The following CNBD1 variants were observed in gnomAD, a reference collection of about 807,000 sequenced individuals.
CNBD1 encodes cyclic nucleotide binding domain containing 1, also known as cyclic nucleotide-binding domain-containing protein 1.
CNBD1 carries 71 observed loss-of-function variants against 54.4 expected under a neutral mutation model. The ratio of observed to expected loss-of-function variants is 1.30; its 90% CI spans 1.08 to 1.59. The LOEUF (loss-of-function observed/expected upper bound fraction) is 1.59, where lower values mean the gene tolerates loss of function less well. Ranked by LOEUF, CNBD1 falls within the 40% of genes most tolerant of loss-of-function variation. The pLI is 0.00. For missense variants in CNBD1, 659 were observed against 518.0 expected, an observed-to-expected ratio of 1.27 and a Z score of -2.64; for synonymous variants, 182 against 170.7, an observed-to-expected ratio of 1.07 and a Z score of -0.51.
rs113843299 is a variant in CNBD1 at position 86,921,471 on chromosome 8, A to G, written c.272+16277A>G. Among the ~76,000 whole-genome samples the G allele has an allele frequency of 9.9e-3, 1,510 of 152,322 alleles. 7 individuals carry two copies. Among genetic ancestry groups the G allele is most frequent in the Admixed American group, 0.015 (223 of 15,292 alleles). Reference sequence around the variant, plus strand: ...ATTAGTCTGTTCTCACACTGCTAATAAAGACACAACTGAGACTTGGTAATT... The same window carrying G: ...ATTAGTCTGTTCTCACACTGCTAATGAAGACACAACTGAGACTTGGTAATT... On this transcript the variant is annotated intron_variant, in intron 3 of 10. Transcript: ENST00000518476.
intron 2 of CNBD1, among the ~76,000 whole-genome samples, chr8:87,421,844 C>A (rs1408043336): frequency 7.1e-6 from 1 of 141,478 alleles, no homozygotes; most frequent in Admixed American, 7.0e-5. Flanking sequence ...CCTGAGGAAT[C>A]GCCACACTGA....
chr8:86,990,257 T>C (rs77462195), intron 4 of CNBD1, among the ~76,000 whole-genome samples: 2,922 of 152,302 alleles, frequency 0.019, 95 homozygotes, highest in African/African-American at 0.06. Context: ...GGAATATTAC[T>C]TGAGATCTTT....
At chr8:87,236,836 G>A (rs190563948) in intron 5 of CNBD1, 83 bp from the exon 6 acceptor site, 54 of 710,612 alleles carry the variant, frequency 7.6e-5, no homozygotes, top group East Asian at 5.4e-4. Flanking sequence ...TGAAAGTACC[G>A]TAAGTGTAAT....
chr8:87,255,989 ATATATATATATATATATATATATATATTT>A (rs1563525946), intron 6 of CNBD1, among the ~76,000 whole-genome samples: 1 of 10,886 alleles, frequency 9.2e-5, no homozygotes, highest in Non-Finnish European at 1.6e-4. Flanking sequence ...ATATATATAT[ATATATATATATATATATATATATATATTT>A]TTTTTTTTTT....
intron 6 of CNBD1, among the ~76,000 whole-genome samples, chr8:87,245,391 C>T (rs1489400827): frequency 6.6e-6 from 1 of 151,922 alleles, no homozygotes; most frequent in Non-Finnish European, 1.5e-5. Context: ...AATAAGAGGA[C>T]TTCACATATA....
At chr8:87,024,633 C>A (rs1251853590) in intron 4 of CNBD1, among the ~76,000 whole-genome samples, 1 of 152,176 alleles carries the variant, frequency 6.6e-6, no homozygotes, top group Non-Finnish European at 1.5e-5. Flanking sequence ...TGAGCCACCA[C>A]ACCCAGCCAG....
intron 4 of CNBD1, among the ~76,000 whole-genome samples, chr8:86,974,428 G>A (rs920619987): frequency 2.6e-5 from 4 of 152,014 alleles, no homozygotes; most frequent in African/African-American, 9.7e-5. Context: ...AGTTGCATAT[G>A]TGTGCTATAC....
chr8:87,269,013 A>G (rs1808314440), intron 6 of CNBD1, among the ~76,000 whole-genome samples: 1 of 152,062 alleles, frequency 6.6e-6, no homozygotes. Flanking sequence ...GATATCCAGA[A>G]TGATATTTTC....
chr8:87,224,276 G>A (rs1445874486), intron 5 of CNBD1, among the ~76,000 whole-genome samples: 1 of 149,808 alleles, frequency 6.7e-6, no homozygotes, highest in Non-Finnish European at 1.5e-5. Flanking sequence ...TTTGTCTTTT[G>A]TTGCCATTGC....
At position 87,379,508 on chromosome 8, in the gene CNBD1, G is replaced by C. The variant is rs993327702; in HGVS notation, c.1304-3112G>C. Among the ~76,000 whole-genome samples the C allele has an allele frequency of 3.3e-5, 5 of 151,806 alleles. No homozygotes were observed. The South Asian group carries it at 1.0e-3, about 32-fold the overall frequency. On this transcript the variant is annotated intron_variant, in intron 10 of 10. Coordinates refer to ENST00000518476, the MANE Select transcript of CNBD1 (RefSeq NM_173538.3). ...AAAGCTCTCCCCAGCAAATGTAAAA[G>C]AACAGAATTTATAACAAACTATCTC...
chr8:87,225,730 G>T (rs1425881188), intron 5 of CNBD1, among the ~76,000 whole-genome samples: 2 of 151,662 alleles, frequency 1.3e-5, no homozygotes, highest in Non-Finnish European at 2.9e-5. Flanking sequence ...GCTCGGCTTT[G>T]GTATCAGAAT....
At chr8:86,972,034 C>G (rs568341285) in intron 4 of CNBD1, among the ~76,000 whole-genome samples, 2 of 151,902 alleles carry the variant, frequency 1.3e-5, no homozygotes, top group African/African-American at 4.8e-5. Flanking sequence ...CTCACTGCAA[C>G]CTCTGCCTCC....
intron 4 of CNBD1, among the ~76,000 whole-genome samples, chr8:87,133,862 G>A (rs1442219562): frequency 6.6e-6 from 1 of 152,090 alleles, no homozygotes; most frequent in Non-Finnish European, 1.5e-5. Flanking sequence ...GCTATTTGTT[G>A]CGTGTAATTT....
chr8:86,961,410 C>T (rs1807925997), intron 4 of CNBD1, among the ~76,000 whole-genome samples: 1 of 152,234 alleles, frequency 6.6e-6, no homozygotes, highest in African/African-American at 2.4e-5. Context: ...CTGCTTAGAA[C>T]AGCAGCACAA....
chr8:87,179,070 C>T (rs1813257687), intron 4 of CNBD1, among the ~76,000 whole-genome samples: 1 of 152,050 alleles, frequency 6.6e-6, no homozygotes, highest in African/African-American at 2.4e-5. Context: ...GCCACCATGC[C>T]CAGCTAATTT....
chr8:87,181,412 G>C (rs7464642), intron 4 of CNBD1, among the ~76,000 whole-genome samples: 1 of 152,188 alleles, frequency 6.6e-6, no homozygotes, highest in South Asian at 2.1e-4. Context: ...TTCTTTATTA[G>C]AAATATGGCC....
intron 4 of CNBD1, among the ~76,000 whole-genome samples, chr8:87,085,306 G>A (rs1811074608): frequency 6.6e-6 from 1 of 152,050 alleles, no homozygotes; most frequent in South Asian, 2.1e-4. Flanking sequence ...TCTTCTAGTA[G>A]TGTGCTGTTT....
chr8:87,354,561 C>G (rs1216700111), intron 10 of CNBD1, among the ~76,000 whole-genome samples: 1 of 151,944 alleles, frequency 6.6e-6, no homozygotes, highest in South Asian at 2.1e-4. Context: ...CCCCCTTCCC[C>G]CCACCCCACA....
chr8:87,350,125 C>G (rs1810254324), intron 8 of CNBD1, among the ~76,000 whole-genome samples: 1 of 152,042 alleles, frequency 6.6e-6, no homozygotes, highest in Non-Finnish European at 1.5e-5. Flanking sequence ...ATAGTTTCTA[C>G]TATCATATGT....
Sources: allele counts gnomAD v4.1 joint callset (sites outside exome capture counted in the v4.1 genomes callset), GRCh38; gene constraint gnomAD v4.1.1; transcripts MANE v1.5; gene names NCBI Gene and HGNC (gene_info 2026-07-23, HGNC 2026-07-21).